The following MFSD11 variants were observed in gnomAD, a reference collection of about 807,000 sequenced individuals.
MFSD11 encodes UNC93-like protein MFSD11.
In MFSD11, 36 loss-of-function variants were observed where a neutral mutation model predicts 53.5. That is an observed-to-expected ratio of 0.67 (90% CI 0.52 to 0.89). The LOEUF (loss-of-function observed/expected upper bound fraction) is 0.89, where lower values mean the gene tolerates loss of function less well. Ranked by LOEUF, MFSD11 falls within the 40% of genes least tolerant of loss-of-function variation. The pLI is 0.00. For missense variants in MFSD11, 530 were observed against 543.9 expected (o/e 0.97, Z 0.25); for synonymous variants, 186 against 184.9 (o/e 1.01, Z -0.05).
At chr17:76,748,010 G>A (rs993146149) in intron 7 of MFSD11, 2 of 149,808 alleles carry the variant, frequency 1.3e-5, no homozygotes, top group African/African-American at 4.9e-5. Context: ...GTTCTTACGG[G>A]ACTTAATTTT....
intron 9 of MFSD11, among the ~76,000 whole-genome samples, chr17:76,767,856 G>T (rs2080999661): frequency 6.6e-6 from 1 of 152,178 alleles, no homozygotes; most frequent in Non-Finnish European, 1.5e-5. Flanking sequence ...GTTGGTGACA[G>T]CAAATCACAG....
the MFSD11 span, among the ~76,000 whole-genome samples, chr17:76,795,647 A>G: frequency 6.6e-6 from 1 of 152,106 alleles, no homozygotes; most frequent in Non-Finnish European, 1.5e-5. Flanking sequence ...AATCAGTGGA[A>G]GATGAGGGAT....
At chr17:76,739,031 C>T (rs761826873) in intron 2 of MFSD11, 38 bp downstream of exon 2, 10 of 1,508,664 alleles carry the variant, frequency 6.6e-6, no homozygotes, top group South Asian at 2.3e-5. Flanking sequence ...TTATATTTGA[C>T]AGTAGTTGCT....
chr17:76,789,317 T>G, the MFSD11 span, among the ~76,000 whole-genome samples: 3 of 149,616 alleles, frequency 2.0e-5, no homozygotes, highest in African/African-American at 7.4e-5. Flanking sequence ...AATTTTCCCC[T>G]TGGGGCAGGC....
In MFSD11 at chr17:76,753,864, A is replaced by C. The variant is rs150553854; in HGVS notation, c.642-183A>C. ...AGAGGTGCCCAGGTGGGACTTTAAA[A>C]ACCTGAAGCGAGGGTGTGGCCATGA... On this transcript the variant is annotated intron_variant, in intron 7 of 12. Coordinates refer to ENST00000685175, the MANE Select transcript of MFSD11 (RefSeq NM_001242532.5). 8.3e-4 allele frequency among the ~76,000 whole-genome samples: 127 copies of C among 152,118 alleles called. No homozygotes were observed. The South Asian group carries it at 0.013, about 16-fold the overall frequency.
the MFSD11 span, among the ~76,000 whole-genome samples, chr17:76,799,827 A>G: frequency 1.3e-4 from 20 of 152,054 alleles, no homozygotes; most frequent in African/African-American, 4.8e-4. Context: ...AAAAAACTCC[A>G]GCATGTTTTA....
downstream of MFSD11, among the ~76,000 whole-genome samples, chr17:76,783,617 G>A (rs1910956112): frequency 6.6e-6 from 1 of 152,176 alleles, no homozygotes; most frequent in Admixed American, 6.5e-5. Flanking sequence ...GGAGTGCAAT[G>A]GCACAGTCTT....
At chr17:76,795,319 C>CA in the MFSD11 span, among the ~76,000 whole-genome samples, 77,167 of 116,154 alleles carry the variant, frequency 0.66, 26,303 homozygotes, top group Middle Eastern at 0.78. Context: ...CTGTTTCTAC[C>CA]AAAAAAAAAA....
the MFSD11 span, among the ~76,000 whole-genome samples, chr17:76,795,070 T>C: frequency 1.3e-5 from 2 of 151,884 alleles, no homozygotes; most frequent in East Asian, 1.9e-4. Flanking sequence ...GGATCGAAAA[T>C]ATGGGGAAAA....
rs1262837805 is a variant in MFSD11, at chr17:76,767,925, G to A, written c.748+474G>A. Among the ~76,000 whole-genome samples the A allele has an allele frequency of 2.6e-5, 4 of 152,278 alleles. No homozygotes were observed. The South Asian group carries it at 6.2e-4, about 24-fold the overall frequency. ...ACAAGGTTCAGAAAAACCAGGACAC[G>A]TGGCTCTTTGGGACCAGTGGTTTTA... is the stretch of plus-strand genomic sequence containing the variant. On this transcript the variant is annotated intron_variant, in intron 9 of 12. Coordinates refer to ENST00000685175, the MANE Select transcript of MFSD11 (RefSeq NM_001242532.5).
chr17:76,739,908 T>C (rs970339162), intron 2 of MFSD11, among the ~76,000 whole-genome samples: 2 of 152,066 alleles, frequency 1.3e-5, no homozygotes, highest in African/African-American at 4.8e-5. Flanking sequence ...GGCTCACGCC[T>C]GTAATCCCAG....
chr17:76,778,191 A>G lies in MFSD11; in HGVS notation c.1189A>G (p.Ile397Val), dbSNP rs540375917. Residue 397 changes from isoleucine (I) to valine (V), a missense_variant, in exon 13 of 13, where the codon ATT becomes GTT. By Grantham distance (29) the Ile-to-Val change is conservative. Transcript: ENST00000685175. ...AFAIFKFVQS[I>V]CAAVAFFYSN... ...GATTTGTTTTGTTTGTTCTTAGTCT[A>G]TTTGCGCAGCCGTGGCATTTTTCTA... The G allele has an allele frequency of 6.2e-6, 10 of 1,614,000 alleles. No individual in the cohort carries two copies. Among genetic ancestry groups the G allele is most frequent in the Admixed American group, 5.0e-5 (3 of 59,982 alleles).
intron 8 of MFSD11, among the ~76,000 whole-genome samples, chr17:76,758,561 C>T (rs1242774460): frequency 9.8e-5 from 12 of 122,346 alleles, no homozygotes; most frequent in Admixed American, 9.1e-4. Context: ...CCAGCATGGG[C>T]ACAGAGCGAG....
In MFSD11 at chr17:76,776,319, A is replaced by G; in HGVS notation, c.1050-87A>G. On this transcript the variant is annotated intron_variant, in intron 11 of 12. Coordinates refer to ENST00000685175, the MANE Select transcript of MFSD11 (RefSeq NM_001242532.5). The surrounding 1 kb of genome is among the most constrained non-coding windows in gnomAD (Gnocchi z 4.2). ...TTCATAGTGTTTACAACTTGCAGGT[A>G]GAATTCTTTTGTGGGTGGGTTGCTT... 2 of 1,223,504 alleles carry G rather than the reference A, an allele frequency of 1.6e-6. No homozygotes were observed. Among genetic ancestry groups the G allele is most frequent in the Admixed American group, 4.3e-5 (2 of 47,036 alleles). 75.8% of individuals were successfully genotyped at this position (1,223,504 alleles called of 1,614,324 possible).
At chr17:76,784,791 C>T (rs2082251906), downstream of MFSD11, among the ~76,000 whole-genome samples, 2 of 151,818 alleles carry the variant, frequency 1.3e-5, no homozygotes, top group African/African-American at 4.8e-5. Context: ...CCTAGCTAAT[C>T]AGGAGGCTAA....
upstream of MFSD11, chr17:76,737,413 AT>A: frequency 2.3e-6 from 1 of 428,782 alleles, no homozygotes; most frequent in Non-Finnish European, 4.1e-6. Flanking sequence ...AAACCTTCTG[AT>A]TGGCCCACCG....
intron 12 of MFSD11, 35 bp from the exon 13 acceptor site, chr17:76,778,153 G>A: frequency 6.2e-7 from 1 of 1,612,782 alleles, no homozygotes; most frequent in Non-Finnish European, 8.5e-7. Context: ...GTGGCCCCCG[G>A]TGCGCCCGTT....
At chr17:76,790,176 G>T in the MFSD11 span, among the ~76,000 whole-genome samples, 1 of 146,046 alleles carries the variant, frequency 6.8e-6, no homozygotes, top group Non-Finnish European at 1.5e-5. Context: ...CTGCCTCCTG[G>T]GTTCAAGTGA....
the MFSD11 span, among the ~76,000 whole-genome samples, chr17:76,787,280 C>T: frequency 2.3e-5 from 3 of 132,472 alleles, 1 homozygote; most frequent in South Asian, 2.7e-4. Context: ...GGATTACAGG[C>T]GCCCGCCACC....
Sources: gnomAD v4.1 joint callset for allele counts (sites outside exome capture counted in the v4.1 genomes callset) on GRCh38, gnomAD v4.1.1 for gene constraint, Gnocchi (gnomAD v3.1) non-coding constraint, MANE v1.5 for transcripts, NCBI Gene and HGNC (gene_info 2026-07-23, HGNC 2026-07-21) for gene names.